Variants in SEZ6L observed in about 807,000 individuals in gnomAD.
The protein encoded by SEZ6L is seizure related 6 homolog like.
In SEZ6L, 37 loss-of-function variants were observed where a neutral mutation model predicts 106.2. That is an observed-to-expected ratio of 0.35 (90% confidence interval 0.27 to 0.46). The LOEUF (loss-of-function observed/expected upper bound fraction) is 0.46. Ranked by LOEUF, SEZ6L falls within the 20% of genes least tolerant of loss-of-function variation. The probability of loss-of-function intolerance (pLI) is 1.00; values close to 1 mark genes in which losing one functional copy is unlikely to be tolerated. For synonymous variants in SEZ6L, 541 were observed against 570.4 expected, an observed-to-expected ratio of 0.95 and a Z score of 0.73; for missense variants, 1,172 against 1,332.8, an observed-to-expected ratio of 0.88 and a Z score of 1.88.
chr22:26,265,379 T>C (rs1289363994), intron 1 of SEZ6L, among the ~76,000 whole-genome samples: 2 of 152,182 alleles, frequency 1.3e-5, no homozygotes, highest in Admixed American at 6.5e-5. Context: ...AAATGAATGC[T>C]TCCATCAAAT....
intron 1 of SEZ6L, among the ~76,000 whole-genome samples, chr22:26,263,353 T>C (rs1020980443): frequency 6.6e-6 from 1 of 152,224 alleles, no homozygotes; most frequent in African/African-American, 2.4e-5. Flanking sequence ...TGACGGCTAA[T>C]GGAGATATGC....
At chr22:26,324,226 T>C (rs1216790191) in intron 9 of SEZ6L, among the ~76,000 whole-genome samples, 2 of 152,150 alleles carry the variant, frequency 1.3e-5, no homozygotes, top group Non-Finnish European at 2.9e-5. Flanking sequence ...GGACATCTAC[T>C]GCGAACATAC....
intron 5 of SEZ6L, among the ~76,000 whole-genome samples, chr22:26,304,661 G>C (rs949118146): frequency 7.9e-5 from 12 of 152,150 alleles, no homozygotes; most frequent in Non-Finnish European, 1.6e-4. Context: ...AAATAGTGAA[G>C]TGTAAGAAAT....
At chr22:26,298,891 C>G in intron 4 of SEZ6L, 93 bp from the exon 5 acceptor site, 1 of 1,259,704 alleles carries the variant, frequency 7.9e-7, no homozygotes, top group Non-Finnish European at 1.1e-6. Flanking sequence ...CTCATCTTCT[C>G]TCCCCAGCAC....
intron 9 of SEZ6L, among the ~76,000 whole-genome samples, chr22:26,322,216 G>A (rs2082174001): frequency 6.6e-6 from 1 of 152,172 alleles, no homozygotes; most frequent in African/African-American, 2.4e-5. Context: ...AGATAAGGCA[G>A]ATATTATCAT....
chr22:26,203,095 A>T (rs932337177), intron 1 of SEZ6L, among the ~76,000 whole-genome samples: 1 of 152,206 alleles, frequency 6.6e-6, no homozygotes, highest in Admixed American at 6.5e-5. Flanking sequence ...CCTGCAACTT[A>T]GAGCTTCTGC....
intron 6 of SEZ6L, among the ~76,000 whole-genome samples, chr22:26,307,640 C>T (rs113290503): frequency 1.1e-3 from 168 of 152,218 alleles, no homozygotes; most frequent in African/African-American, 3.8e-3. Context: ...TTAGCAGCAC[C>T]AGAATAATAA....
intron 1 of SEZ6L, among the ~76,000 whole-genome samples, chr22:26,292,037 ATGGAT>A (rs2081133816): frequency 2.4e-5 from 1 of 42,178 alleles, no homozygotes. Context: ...GGAAGGAAGG[ATGGAT>A]GGAAGGAAAG....
chr22:26,250,559 C>T (rs1422855186), intron 1 of SEZ6L, among the ~76,000 whole-genome samples: 1 of 152,156 alleles, frequency 6.6e-6, no homozygotes, highest in Non-Finnish European at 1.5e-5. Context: ...GTTTTAGGTA[C>T]TATAGCTTTG....
intron 1 of SEZ6L, among the ~76,000 whole-genome samples, chr22:26,260,526 G>C (rs565632950): frequency 1.3e-5 from 2 of 152,072 alleles, no homozygotes; most frequent in African/African-American, 2.4e-5. Flanking sequence ...ATTTTGGAGA[G>C]AATTGAGGCA....
At chr22:26,380,194 G>T in intron 16 of SEZ6L, 72 bp from the exon 17 acceptor site, 2 of 1,448,412 alleles carry the variant, frequency 1.4e-6, no homozygotes, top group East Asian at 2.3e-5. Flanking sequence ...GAGGTGCAAA[G>T]AACTGCATCC....
At chr22:26,300,581 T>C (rs2081424581) in intron 5 of SEZ6L, among the ~76,000 whole-genome samples, 1 of 152,254 alleles carries the variant, frequency 6.6e-6, no homozygotes, top group Non-Finnish European at 1.5e-5. Context: ...TGGTTCCAAG[T>C]CTTTGCTATT....
chr22:26,221,888 G>A (rs954359990), intron 1 of SEZ6L, among the ~76,000 whole-genome samples: 1 of 152,166 alleles, frequency 6.6e-6, no homozygotes, highest in Non-Finnish European at 1.5e-5. Flanking sequence ...ATTCGCCAAT[G>A]GTTTTATCTA....
Position 26,299,002 on chromosome 22 carries a change from A to G in SEZ6L, c.1181A>G (p.Asn394Ser), listed in dbSNP as rs141216329. 51 of 1,585,364 alleles carry G rather than the reference A, an allele frequency of 3.2e-5. No individual in the cohort carries two copies. The African/African-American group carries it at 5.2e-4, about 16-fold the overall frequency. Residue 394 changes from asparagine to serine, a missense_variant, in exon 5 of 17, where the codon AAC becomes AGC. Physicochemically the swap from Asn to Ser is conservative, Grantham distance 46 (BLOSUM62 1). Around this residue, in one of 4 missense-constraint regions of SEZ6L, gnomAD observed 534 missense variants for 691.0 expected, o/e 0.77. Coordinates refer to ENST00000248933, the MANE Select transcript of SEZ6L (RefSeq NM_021115.5). The part of the protein sequence containing the change: ...LHYQAFMLSC[N>S]FPRRPDSGDV... ...TTCCCAGCCTTCATGCTGAGCTGCA[A>G]CTTTCCCCGCCGGCCTGACTCTGGG...
chr22:26,236,908 A>G (rs1334290308), intron 1 of SEZ6L, among the ~76,000 whole-genome samples: 1 of 151,932 alleles, frequency 6.6e-6, no homozygotes, highest in Non-Finnish European at 1.5e-5. Flanking sequence ...TCCCCCTAAC[A>G]CACCAGCCTT....
At chr22:26,220,868 A>G (rs1456464696) in intron 1 of SEZ6L, among the ~76,000 whole-genome samples, 6 of 151,118 alleles carry the variant, frequency 4.0e-5, no homozygotes, top group Admixed American at 1.3e-4. Flanking sequence ...GAATGTGCTT[A>G]CATCACACAA....
At chr22:26,360,427 T>C (rs2083576600) in intron 12 of SEZ6L, among the ~76,000 whole-genome samples, 1 of 152,198 alleles carries the variant, frequency 6.6e-6, no homozygotes. Flanking sequence ...GCAGGGACCA[T>C]GTTCGCCTTG....
chr22:26,309,304 C>T (rs2081739223), intron 6 of SEZ6L, among the ~76,000 whole-genome samples: 2 of 152,162 alleles, frequency 1.3e-5, no homozygotes, highest in Non-Finnish European at 2.9e-5. Flanking sequence ...TTGTTTAACA[C>T]ATTTTATTTT....
intron 9 of SEZ6L, among the ~76,000 whole-genome samples, chr22:26,325,927 C>CCACACACACA (rs59284489): frequency 2.0e-5 from 3 of 149,292 alleles, no homozygotes; most frequent in African/African-American, 4.9e-5. Flanking sequence ...ATCACACACA[C>CCACACACACA]CACACACACA....
Sources: gnomAD v4.1 joint callset for allele counts (sites outside exome capture counted in the v4.1 genomes callset) on GRCh38, gnomAD v4.1.1 for gene constraint, gnomAD v4.1.1 regional missense constraint, MANE v1.5 for transcripts, NCBI Gene and HGNC (gene_info 2026-07-23, HGNC 2026-07-21) for gene names.